The following NAA11 variants were observed in gnomAD, a reference collection of about 807,000 sequenced individuals.
NAA11 encodes the protein N-alpha-acetyltransferase 11, NatA catalytic subunit.
In NAA11, 15 loss-of-function variants were observed where a neutral mutation model predicts 16.1. The observed-to-expected ratio is 0.93, with a 90% CI of 0.62 to 1.44. NAA11 has a LOEUF of 1.44. Ranked by LOEUF, NAA11 falls within the 40% of genes most tolerant of loss-of-function variation. The pLI is 0.00. For synonymous variants in NAA11, 122 were observed against 112.4 expected (o/e 1.09, Z -0.54); for missense variants, 298 against 291.3 (o/e 1.02, Z -0.17).
chr4:79,227,429 A>G (rs1721342689), intron 2 of NAA11: 1 of 152,042 alleles, frequency 6.6e-6, no homozygotes. Flanking sequence ...ATCACTGCCC[A>G]GCTAAATCTT....
rs556843626 is a variant in NAA11 at position 79,239,246 on chromosome 4, T to C, written c.*123-12976A>G. On this transcript the variant is annotated intron_variant and NMD_transcript_variant, in intron 2 of 2. Coordinates refer to the NAA11 transcript ENST00000511542. ...ATTTGCATGAACCATTAACATTATA[T>C]GAACATAACTGTTTTGGTTGTCTAC... 9.2e-5 allele frequency among the ~76,000 whole-genome samples: 14 copies of C among 152,332 alleles called. No individual in the cohort carries two copies. The South Asian group carries it at 2.5e-3, about 27-fold the overall frequency.
At chr4:79,222,211 C>T (rs957474581), downstream of NAA11, among the ~76,000 whole-genome samples, 1 of 152,080 alleles carries the variant, frequency 6.6e-6, no homozygotes, top group Non-Finnish European at 1.5e-5. Context: ...TCTGTGGGAT[C>T]GGTGGTGACA....
intron 2 of NAA11, among the ~76,000 whole-genome samples, chr4:79,274,977 A>G (rs1477316735): frequency 2.0e-5 from 3 of 152,076 alleles, no homozygotes; most frequent in African/African-American, 7.2e-5. Context: ...ACTGGAAACT[A>G]GGACCTATGA....
chr4:79,290,600 C>T (rs533590208), intron 2 of NAA11, among the ~76,000 whole-genome samples: 12 of 152,252 alleles, frequency 7.9e-5, no homozygotes, highest in Admixed American at 4.6e-4. Context: ...AAACAGTAGG[C>T]CCTGGCAGGC....
At chr4:79,295,833 G>A (rs899988721) in intron 1 of NAA11, among the ~76,000 whole-genome samples, 2 of 152,098 alleles carry the variant, frequency 1.3e-5, no homozygotes, top group African/African-American at 2.4e-5. Context: ...AACAGATTGA[G>A]TTATTATAAC....
intron 2 of NAA11, among the ~76,000 whole-genome samples, chr4:79,255,601 ATTGT>A (rs1578165215): frequency 6.6e-6 from 1 of 152,060 alleles, no homozygotes; most frequent in East Asian, 1.9e-4. Context: ...TTTTATTTGG[ATTGT>A]TTAATTCATT....
At position 79,325,580 on chromosome 4, in the gene NAA11, C is replaced by T; in HGVS notation, c.298G>A (p.Glu100Lys). ...LMDQASRAMI[E>K]NFNAKYVSLH... ...GACACGTATTTGGCGTTAAAGTTCTCTATCATGGCCCTGGAGGCCTGGTCC... is the reference window on the plus strand; with the variant it reads ...GACACGTATTTGGCGTTAAAGTTCTTTATCATGGCCCTGGAGGCCTGGTCC... The change falls in exon 1 of 2, where the codon GAG (glutamate) becomes AAG (lysine). Residue 100 changes from glutamate (E) to lysine (K), a missense_variant. Physicochemically the swap from Glu to Lys is moderately conservative, Grantham distance 56. Transcript: ENST00000286794. The T allele has an allele frequency of 6.2e-7, 1 of 1,614,120 alleles. No individual in the cohort carries two copies. Among genetic ancestry groups the T allele is most frequent in the Non-Finnish European group, 8.5e-7 (1 of 1,179,970 alleles).
chr4:79,167,242 C>A, the NAA11 span, among the ~76,000 whole-genome samples: 1 of 119,206 alleles, frequency 8.4e-6, no homozygotes, highest in Non-Finnish European at 1.7e-5. Context: ...TGTATACACA[C>A]ACACACACCC....
chr4:79,314,641 T>TAAAAAAAAAAAAAAAAAAAA (rs375245497), downstream of NAA11, among the ~76,000 whole-genome samples: 22 of 98,064 alleles, frequency 2.2e-4, 1 homozygote, highest in East Asian at 1.0e-3. Context: ...TCCTTAAAAT[T>TAAAAAAAAAAAAAAAAAAAA]AAAAAAAAAA....
At chr4:79,194,632 A>G in the NAA11 span, among the ~76,000 whole-genome samples, 1 of 152,088 alleles carries the variant, frequency 6.6e-6, no homozygotes, top group Non-Finnish European at 1.5e-5. Context: ...TGTATCAACT[A>G]AGATTATATT....
At chr4:79,190,247 A>G in the NAA11 span, among the ~76,000 whole-genome samples, 1 of 152,196 alleles carries the variant, frequency 6.6e-6, no homozygotes. Context: ...AAGAAAAAAA[A>G]GGTTCTTAAT....
intron 1 of NAA11, among the ~76,000 whole-genome samples, chr4:79,304,292 T>C (rs920598909): frequency 6.6e-6 from 1 of 152,160 alleles, no homozygotes; most frequent in African/African-American, 2.4e-5. Context: ...AAAATACAAA[T>C]TTGAAGAAAA....
chr4:79,220,634 C>A, the NAA11 span, among the ~76,000 whole-genome samples: 6 of 152,020 alleles, frequency 3.9e-5, no homozygotes, highest in East Asian at 1.2e-3. Context: ...TTCTATAATA[C>A]GCATAAAATA....
chr4:79,246,675 T>G (rs1433064546), intron 2 of NAA11, among the ~76,000 whole-genome samples: 2 of 152,220 alleles, frequency 1.3e-5, no homozygotes, highest in African/African-American at 4.8e-5. Context: ...AATAATATAC[T>G]AATAATCACA....
At chr4:79,289,519 G>A (rs548613624) in intron 2 of NAA11, among the ~76,000 whole-genome samples, 4 of 152,160 alleles carry the variant, frequency 2.6e-5, no homozygotes, top group South Asian at 2.1e-4. Flanking sequence ...CAATTATCTC[G>A]TTTTTTTATC....
chr4:79,223,092 C>T (rs1721228780), downstream of NAA11, among the ~76,000 whole-genome samples: 1 of 149,558 alleles, frequency 6.7e-6, no homozygotes, highest in Non-Finnish European at 1.5e-5. Flanking sequence ...TGTGGCGATT[C>T]CTCAGGGATC....
At chr4:79,292,182 A>G (rs570370312) in intron 2 of NAA11, among the ~76,000 whole-genome samples, 2 of 152,104 alleles carry the variant, frequency 1.3e-5, no homozygotes, top group Non-Finnish European at 2.9e-5. Context: ...ACCACCCACT[A>G]CTGTTTCTCT....
chr4:79,172,395 T>C, the NAA11 span, among the ~76,000 whole-genome samples: 3 of 152,130 alleles, frequency 2.0e-5, no homozygotes, highest in African/African-American at 7.2e-5. Flanking sequence ...TAACTTTTTT[T>C]CCAAGGGAAA....
chr4:79,281,551 A>G (rs1022173164), intron 2 of NAA11, among the ~76,000 whole-genome samples: 2 of 152,102 alleles, frequency 1.3e-5, no homozygotes, highest in Non-Finnish European at 2.9e-5. Context: ...TTTGTTGTCG[A>G]GTCCATATTC....
Sources: gnomAD v4.1 joint callset for allele counts (sites outside exome capture counted in the v4.1 genomes callset) on GRCh38, gnomAD v4.1.1 for gene constraint, MANE v1.5 for transcripts, NCBI Gene and HGNC (gene_info 2026-07-23, HGNC 2026-07-21) for gene names.